The following CPVL variants were observed in gnomAD, a reference collection of about 807,000 sequenced individuals.
CPVL encodes the protein carboxypeptidase vitellogenic like.
A neutral mutation model predicts 63.7 loss-of-function variants in CPVL; 51 were observed. The observed-to-expected ratio is 0.80, with a 90% CI of 0.64 to 1.01. The LOEUF (loss-of-function observed/expected upper bound fraction) is 1.01, where lower values mean the gene tolerates loss of function less well. Ranked by LOEUF, CPVL falls within the 50% of genes least tolerant of loss-of-function variation. CPVL has a pLI of 0.00. For missense variants in CPVL, 530 were observed against 573.1 expected (o/e 0.92, Z 0.77); for synonymous variants, 195 against 206.0 (o/e 0.95, Z 0.46).
chr7:29,016,639 T>C (rs1034006088), intron 12 of CPVL, among the ~76,000 whole-genome samples: 4 of 152,152 alleles, frequency 2.6e-5, no homozygotes, highest in Non-Finnish European at 4.4e-5. Context: ...GGGCTCCATA[T>C]ACTAAACCCA....
At chr7:29,192,057 G>A (rs1374699015) in intron 1 of CPVL, 2 of 152,180 alleles carry the variant, frequency 1.3e-5, no homozygotes, top group Non-Finnish European at 2.9e-5. Context: ...TCAGATTTTA[G>A]TTCTGAACCT....
intron 3 of CPVL, among the ~76,000 whole-genome samples, chr7:29,185,287 C>T (rs1334734624): frequency 1.3e-5 from 2 of 152,160 alleles, no homozygotes; most frequent in Non-Finnish European, 2.9e-5. Context: ...ATTGTTTATG[C>T]TTATTCATTG....
At chr7:29,192,250 A>G (rs1190688335) in intron 1 of CPVL, 1 of 152,268 alleles carries the variant, frequency 6.6e-6, no homozygotes, top group East Asian at 1.9e-4. Context: ...ACTTCTGTAC[A>G]GCACAGGGCC....
intron 8 of CPVL, 134 bp downstream of exon 8, chr7:29,072,167 A>C: frequency 1.9e-6 from 2 of 1,038,810 alleles, no homozygotes; most frequent in Non-Finnish European, 2.8e-6. Flanking sequence ...GGTAAAAATT[A>C]GGAGATTTAA....
chr7:29,088,851 T>C (rs1167657021), intron 6 of CPVL, among the ~76,000 whole-genome samples: 4 of 152,040 alleles, frequency 2.6e-5, no homozygotes, highest in Admixed American at 6.6e-5. Context: ...GGTGGGCGCC[T>C]GTAGTCCCAG....
At chr7:29,119,548 CTAAG>C (rs1172986348) in intron 2 of CPVL, among the ~76,000 whole-genome samples, 8 of 149,800 alleles carry the variant, frequency 5.3e-5, no homozygotes, top group South Asian at 2.1e-4. Flanking sequence ...TCTGATAACA[CTAAG>C]TGATACCTTT....
At chr7:29,161,554 C>T (rs1360363615) in intron 5 of CPVL, among the ~76,000 whole-genome samples, 2 of 152,068 alleles carry the variant, frequency 1.3e-5, no homozygotes, top group East Asian at 1.9e-4. Context: ...ATTGTGGTCC[C>T]GGACCTGGAA....
upstream of CPVL, chr7:29,147,119 C>A: frequency 2.1e-6 from 2 of 957,360 alleles, no homozygotes; most frequent in Non-Finnish European, 3.1e-6. Flanking sequence ...GGTCACATTG[C>A]TTGTAAGTGA....
At chr7:29,115,342 C>A (rs1484315508) in intron 2 of CPVL, among the ~76,000 whole-genome samples, 1 of 152,158 alleles carries the variant, frequency 6.6e-6, no homozygotes, top group African/African-American at 2.4e-5. Context: ...TCTTCACATT[C>A]TGTTCCCAAT....
intron 5 of CPVL, among the ~76,000 whole-genome samples, chr7:29,180,160 A>G (rs1177333696): frequency 6.6e-6 from 1 of 152,228 alleles, no homozygotes; most frequent in East Asian, 1.9e-4. Context: ...AAAGGAAAAT[A>G]TTTCACATCA....
At chr7:29,064,921 T>C (rs1246792151) in intron 10 of CPVL, among the ~76,000 whole-genome samples, 2 of 19,034 alleles carry the variant, frequency 1.1e-4, no homozygotes, top group African/African-American at 3.1e-4. Flanking sequence ...AATAATAAAA[T>C]TAAAAAATAA....
At chr7:29,110,605 A>G (rs955167388) in intron 3 of CPVL, among the ~76,000 whole-genome samples, 1 of 152,238 alleles carries the variant, frequency 6.6e-6, no homozygotes, top group African/African-American at 2.4e-5. Flanking sequence ...CCCTGAGAGA[A>G]AACATATCGA....
intron 3 of CPVL, among the ~76,000 whole-genome samples, chr7:29,097,705 A>T (rs1184625391): frequency 1.3e-5 from 2 of 152,192 alleles, no homozygotes; most frequent in African/African-American, 4.8e-5. Flanking sequence ...TCAAATAAAT[A>T]AATAATTAAA....
chr7:29,160,676 T>C (rs769869144), intron 5 of CPVL, among the ~76,000 whole-genome samples: 1 of 152,178 alleles, frequency 6.6e-6, no homozygotes, highest in Non-Finnish European at 1.5e-5. Flanking sequence ...GAAAACGTGA[T>C]GATGCCTGGT....
Position 29,102,111 on chromosome 7 carries a change from C to A in CPVL, c.289-5894G>T, listed in dbSNP as rs148561105. ...TAGTTACGAGCATGGATTCTGGAGC[C>A]AGAATGCCAAGGTTTGAATTCCAGC... On this transcript the variant is annotated intron_variant, in intron 3 of 12. Coordinates refer to ENST00000265394, the MANE Select transcript of CPVL (RefSeq NM_031311.5). Among the ~76,000 whole-genome samples the A allele has an allele frequency of 4.1e-3, 626 of 152,290 alleles. 2 individuals carry two copies. The highest frequency in any genetic ancestry group is 6.4e-3 in the Non-Finnish European group (437 of 68,028).
At chr7:29,090,877 T>C (rs1478508311) in intron 6 of CPVL, among the ~76,000 whole-genome samples, 1 of 152,134 alleles carries the variant, frequency 6.6e-6, no homozygotes, top group Non-Finnish European at 1.5e-5. Flanking sequence ...AGAATGAGAT[T>C]TTCTGAAAAA....
chr7:29,127,969 C>G (rs1790214265), intron 1 of CPVL: 1 of 151,744 alleles, frequency 6.6e-6, no homozygotes, highest in Non-Finnish European at 1.5e-5. Flanking sequence ...AACTTTTATA[C>G]TTTTCCCATT....
chr7:29,109,982 A>T (rs1341719062), intron 3 of CPVL, among the ~76,000 whole-genome samples: 5 of 152,214 alleles, frequency 3.3e-5, no homozygotes, highest in African/African-American at 1.2e-4. Flanking sequence ...CCAAAGCACC[A>T]CCTACATTCT....
chr7:29,114,808 T>C (rs1788616285), intron 2 of CPVL, among the ~76,000 whole-genome samples: 1 of 152,148 alleles, frequency 6.6e-6, no homozygotes, highest in African/African-American at 2.4e-5. Context: ...GTGGGCCACC[T>C]GGATTAAAAG....
Sources: gnomAD v4.1 joint callset for allele counts (sites outside exome capture counted in the v4.1 genomes callset) on GRCh38, gnomAD v4.1.1 for gene constraint, MANE v1.5 for transcripts, NCBI Gene and HGNC (gene_info 2026-07-23, HGNC 2026-07-21) for gene names.